Variants in CARMIL1 observed in about 807,000 individuals in gnomAD.
CARMIL1 encodes the protein F-actin-uncapping protein LRRC16A.
Under a neutral mutation model 177.1 loss-of-function variants are expected in CARMIL1, and 90 were observed. The observed-to-expected ratio is 0.51, with a 90% CI of 0.43 to 0.61. CARMIL1 has a LOEUF of 0.61. Among genes scored for constraint, CARMIL1 ranks in the 20% least tolerant of loss-of-function variants. The probability of loss-of-function intolerance (pLI) is 0.00; values close to 1 mark genes in which losing one functional copy is unlikely to be tolerated. For missense variants in CARMIL1, 1,380 were observed against 1,667.0 expected (o/e 0.83, Z 3.00); for synonymous variants, 577 against 606.2 (o/e 0.95, Z 0.71).
In CARMIL1 at chr6:25,448,510, T is replaced by C. The variant is rs143407113; in HGVS notation, c.372-1388T>C. On this transcript the variant is annotated intron_variant, in intron 5 of 36. Transcript: ENST00000329474. ...CCATGCTTCACCTGATTGTCTCTTT[T>C]TGCCCTCCTGTGGGTCTTAGCAGAG... 4.4e-3 allele frequency among the ~76,000 whole-genome samples: 669 copies of C among 152,312 alleles called. 4 individuals are homozygous for C. The highest frequency in any genetic ancestry group is 0.015 in the African/African-American group (635 of 41,562).
chr6:25,487,048 T>A (rs1802731625), intron 12 of CARMIL1, among the ~76,000 whole-genome samples: 2 of 152,228 alleles, frequency 1.3e-5, no homozygotes, highest in Admixed American at 1.3e-4. Context: ...ACTTAAATAT[T>A]TTTTATTCGA....
At chr6:25,526,278 G>C (rs1446783590) in intron 23 of CARMIL1, among the ~76,000 whole-genome samples, 1 of 151,988 alleles carries the variant, frequency 6.6e-6, no homozygotes, top group African/African-American at 2.4e-5. Context: ...GGGGGGTGGA[G>C]CTTGCAGTGA....
At chr6:25,615,416 A>T (rs1180100450) in intron 36 of CARMIL1, among the ~76,000 whole-genome samples, 1 of 152,116 alleles carries the variant, frequency 6.6e-6, no homozygotes, top group East Asian at 1.9e-4. Context: ...TTGTAAGCAC[A>T]TTTTTTTCAT....
intron 6 of CARMIL1, 124 bp downstream of exon 6, chr6:25,450,119 G>T (rs543305793): frequency 2.4e-5 from 20 of 846,210 alleles, no homozygotes; most frequent in Non-Finnish European, 3.6e-5. Flanking sequence ...AATTAGCAGC[G>T]CACAGACTTT....
At chr6:25,462,579 G>A (rs1800218652) in intron 8 of CARMIL1, among the ~76,000 whole-genome samples, 1 of 152,146 alleles carries the variant, frequency 6.6e-6, no homozygotes, top group African/African-American at 2.4e-5. Flanking sequence ...TGCTGGATAT[G>A]CTCAGGTTCC....
At chr6:25,308,840 A>G (rs6456664) in intron 2 of CARMIL1, among the ~76,000 whole-genome samples, 31,600 of 152,156 alleles carry the variant, frequency 0.21, 4,223 homozygotes, top group East Asian at 0.4. Flanking sequence ...AATGGTTAAC[A>G]TGGGAGTACC....
At chr6:25,301,339 G>GCA (rs139274927) in intron 2 of CARMIL1, among the ~76,000 whole-genome samples, 8,085 of 152,268 alleles carry the variant, frequency 0.053, 433 homozygotes, top group East Asian at 0.29. Context: ...GGGTGACAGA[G>GCA]CACAGGATGG....
intron 29 of CARMIL1, among the ~76,000 whole-genome samples, chr6:25,567,433 G>T (rs1242972580): frequency 6.6e-6 from 1 of 152,182 alleles, no homozygotes; most frequent in Non-Finnish European, 1.5e-5. Context: ...TGAACTGATG[G>T]AAACAGCAGA....
At chr6:25,446,120 C>T (rs1798210023) in intron 5 of CARMIL1, among the ~76,000 whole-genome samples, 1 of 152,098 alleles carries the variant, frequency 6.6e-6, no homozygotes, top group Admixed American at 6.5e-5. Context: ...TTCTTAAGGG[C>T]CTTGGGTTTT....
At chr6:25,343,343 G>A (rs1216102104) in intron 2 of CARMIL1, among the ~76,000 whole-genome samples, 25 of 146,266 alleles carry the variant, frequency 1.7e-4, no homozygotes, top group African/African-American at 6.1e-4. Context: ...GGACAAGCCA[G>A]TTTTACAAAA....
intron 5 of CARMIL1, among the ~76,000 whole-genome samples, chr6:25,442,462 G>T (rs1030969881): frequency 1.4e-5 from 2 of 140,932 alleles, no homozygotes; most frequent in Non-Finnish European, 3.1e-5. Flanking sequence ...AACAGTGTGT[G>T]TGTGTATGTG....
chr6:25,303,907 A>G lies in CARMIL1; in HGVS notation c.138+18998A>G, dbSNP rs553626035. On this transcript the variant is annotated intron_variant, in intron 2 of 36. Coordinates refer to ENST00000329474, the MANE Select transcript of CARMIL1 (RefSeq NM_017640.6). ...ATAAAGTCAGAGAAGTCCTTTGTCC[A>G]GGGAACTTCATCATTGGGTTTGACT... Among the ~76,000 whole-genome samples, 9 of 152,376 alleles carry G rather than the reference A, an allele frequency of 5.9e-5. No homozygotes were observed. The South Asian group carries it at 1.9e-3, about 32-fold the overall frequency.
intron 4 of CARMIL1, chr6:25,432,895 G>A (rs1796932348): frequency 1.0e-5 from 1 of 95,874 alleles, no homozygotes; most frequent in Non-Finnish European, 2.4e-5. Context: ...AAGTTACTAT[G>A]GCTTATATCT....
intron 24 of CARMIL1, among the ~76,000 whole-genome samples, chr6:25,530,493 A>C (rs941809139): frequency 5.3e-5 from 8 of 152,192 alleles, no homozygotes; most frequent in Non-Finnish European, 1.0e-4. Context: ...ACTCAAAAAA[A>C]AGAGTTCCAG....
intron 31 of CARMIL1, among the ~76,000 whole-genome samples, chr6:25,585,803 G>A (rs918515098): frequency 1.4e-5 from 2 of 146,318 alleles, no homozygotes; most frequent in South Asian, 2.1e-4. Context: ...ATCTTGCACC[G>A]CCCTTAATCC....
At chr6:25,455,637 T>A (rs1799442734) in intron 8 of CARMIL1, among the ~76,000 whole-genome samples, 1 of 152,222 alleles carries the variant, frequency 6.6e-6, no homozygotes, top group Non-Finnish European at 1.5e-5. Context: ...CTTAACCCAA[T>A]TTTGTTTGAA....
At chr6:25,592,713 A>G (rs1160918833) in intron 31 of CARMIL1, among the ~76,000 whole-genome samples, 1 of 152,198 alleles carries the variant, frequency 6.6e-6, no homozygotes, top group Non-Finnish European at 1.5e-5. Context: ...TTCCATACAG[A>G]CATAAGCCAT....
intron 29 of CARMIL1, among the ~76,000 whole-genome samples, chr6:25,569,889 A>G (rs1811907526): frequency 6.6e-6 from 1 of 152,054 alleles, no homozygotes; most frequent in South Asian, 2.1e-4. Context: ...ATGTTTTCAC[A>G]ATAAAGAAAA....
In CARMIL1 at chr6:25,556,687, T is replaced by G; in HGVS notation, c.2593-14T>G. ...GTACTTTAATTTCTCCTCGTACACG[T>G]CTTGACCTTCTAGGCTGACCATTTC... On this transcript the variant is annotated splice_polypyrimidine_tract_variant and intron_variant, in intron 28 of 36. Coordinates refer to ENST00000329474, the MANE Select transcript of CARMIL1 (RefSeq NM_017640.6). 1 of 1,608,522 alleles carries G rather than the reference T, an allele frequency of 6.2e-7. No homozygotes were observed. Among genetic ancestry groups the G allele is most frequent in the Non-Finnish European group, 8.5e-7 (1 of 1,177,782 alleles).
Sources: allele counts gnomAD v4.1 joint callset (sites outside exome capture counted in the v4.1 genomes callset), GRCh38; gene constraint gnomAD v4.1.1; transcripts MANE v1.5; gene names NCBI Gene and HGNC (gene_info 2026-07-23, HGNC 2026-07-21).